DPP6: variants seen among roughly 807,000 people sequenced by gnomAD.
DPP6 encodes the protein A-type potassium channel modulatory protein DPP6.
A neutral mutation model predicts 122.6 loss-of-function variants in DPP6; 69 were observed. That is an observed-to-expected ratio of 0.56 (90% CI 0.46 to 0.69). The LOEUF (loss-of-function observed/expected upper bound fraction) is 0.69, where lower values mean the gene tolerates loss of function less well. DPP6 is among the 30% of genes least tolerant of loss of function. The pLI is 0.00. For synonymous variants in DPP6, 418 were observed against 433.1 expected, an observed-to-expected ratio of 0.97 and a Z score of 0.43; for missense variants, 928 against 1,116.9, an observed-to-expected ratio of 0.83 and a Z score of 2.41.
the DPP6 span, among the ~76,000 whole-genome samples, chr7:153,873,063 A>G: frequency 6.6e-6 from 1 of 152,226 alleles, no homozygotes; most frequent in South Asian, 2.1e-4. Context: ...GCTTCTGGTG[A>G]GGCCTCAGGC....
At chr7:153,946,585 A>G (rs555649684) in intron 1 of DPP6, among the ~76,000 whole-genome samples, 183 of 152,148 alleles carry the variant, frequency 1.2e-3, no homozygotes, top group African/African-American at 4.3e-3. Flanking sequence ...CTGACCTCCT[A>G]TCTCATCCTG....
the DPP6 span, among the ~76,000 whole-genome samples, chr7:153,814,155 G>C: frequency 2.0e-5 from 3 of 151,982 alleles, no homozygotes; most frequent in Non-Finnish European, 4.4e-5. Context: ...TATGGTTTTA[G>C]GTCTAATGTT....
the DPP6 span, among the ~76,000 whole-genome samples, chr7:153,803,838 T>TATAC: frequency 4.8e-5 from 7 of 145,000 alleles, no homozygotes; most frequent in Non-Finnish European, 9.1e-5. Context: ...TGTGTATGTG[T>TATAC]ACATACACAC....
At chr7:153,913,432 T>A (rs1358528255) in intron 1 of DPP6, among the ~76,000 whole-genome samples, 1 of 152,200 alleles carries the variant, frequency 6.6e-6, no homozygotes, top group East Asian at 1.9e-4. Context: ...CAACAGAGAT[T>A]CATTGTTTCT....
At chr7:154,400,452 T>C (rs1469969420) in intron 1 of DPP6, among the ~76,000 whole-genome samples, 1 of 152,218 alleles carries the variant, frequency 6.6e-6, no homozygotes, top group African/African-American at 2.4e-5. Context: ...TCTCTGAAAT[T>C]ATGATCATGA....
At chr7:154,311,596 T>A (rs539545683) in intron 1 of DPP6, among the ~76,000 whole-genome samples, 1 of 152,296 alleles carries the variant, frequency 6.6e-6, no homozygotes, top group South Asian at 2.1e-4. Context: ...TATCCTAAAG[T>A]CCTTCCTGAC....
upstream of DPP6, among the ~76,000 whole-genome samples, chr7:153,883,278 A>G (rs1411812068): frequency 1.3e-5 from 2 of 152,254 alleles, no homozygotes; most frequent in Non-Finnish European, 1.5e-5. Context: ...ATGGTTCCGA[A>G]TTGAATTTTA....
chr7:154,101,743 C>T (rs574297561), intron 1 of DPP6, among the ~76,000 whole-genome samples: 6 of 151,518 alleles, frequency 4.0e-5, no homozygotes, highest in South Asian at 4.2e-4. Flanking sequence ...GCCTGGTCAA[C>T]ATGGTGAAAC....
chr7:154,542,251 A>G (rs2130271945), intron 4 of DPP6, among the ~76,000 whole-genome samples: 1 of 152,250 alleles, frequency 6.6e-6, no homozygotes, highest in South Asian at 2.1e-4. Context: ...TTTTTGCATT[A>G]AAAAAATCAT....
intron 1 of DPP6, among the ~76,000 whole-genome samples, chr7:154,386,631 G>A (rs1814135707): frequency 6.6e-6 from 1 of 152,148 alleles, no homozygotes. Context: ...CAACAGGAAG[G>A]CAACTTTTTT....
intron 8 of DPP6, among the ~76,000 whole-genome samples, chr7:154,730,090 T>G (rs1000817707): frequency 6.6e-6 from 1 of 152,164 alleles, no homozygotes; most frequent in African/African-American, 2.4e-5. Context: ...CTGTTGACAA[T>G]GAGGACTCTA....
rs10632379 is a variant in DPP6 at position 154,758,373 on chromosome 7, A to ATTTTT, written c.884-11032_884-11028dup. Among the ~76,000 whole-genome samples, 295 of 143,684 alleles carry ATTTTT rather than the reference A, an allele frequency of 2.1e-3. 6 individuals carry two copies. The highest frequency in any genetic ancestry group is 7.3e-3 in the African/African-American group (284 of 38,942). The allele number at this position is 143,684 out of a possible 152,430, so 94.3% of individuals were successfully genotyped here. A position where few individuals can be genotyped will look rare whatever the true frequency, so the allele number is the denominator to read the frequency against. On this transcript the variant is annotated intron_variant, in intron 8 of 25. Coordinates refer to ENST00000377770, the MANE Select transcript of DPP6 (RefSeq NM_130797.4). ...TCAGACTGTGATGAAGGAAATACAGATTTTTTTTTTTTTTTTGAGACAGAG... is the reference window on the plus strand; with the variant it reads ...TCAGACTGTGATGAAGGAAATACAGATTTTTTTTTTTTTTTTTTTTTGAGACAGAG...
chr7:154,769,610 A>G (rs372029327), intron 9 of DPP6, 39 bp downstream of exon 9: 13 of 1,517,622 alleles, frequency 8.6e-6, no homozygotes, highest in Non-Finnish European at 1.2e-5. Flanking sequence ...TCTTTATATT[A>G]TTCATGAACA....
chr7:154,267,564 C>A (rs1803507850), intron 1 of DPP6, among the ~76,000 whole-genome samples: 1 of 151,052 alleles, frequency 6.6e-6, no homozygotes, highest in Non-Finnish European at 1.5e-5. Context: ...CATATACACA[C>A]ATGTACACAC....
chr7:154,421,170 C>T (rs1050997722), intron 1 of DPP6, among the ~76,000 whole-genome samples: 1 of 151,918 alleles, frequency 6.6e-6, no homozygotes, highest in Admixed American at 6.6e-5. Flanking sequence ...TAATTTTCAG[C>T]ATCATTACAA....
chr7:154,510,051 C>T (rs1375862066), intron 3 of DPP6, among the ~76,000 whole-genome samples: 2 of 152,114 alleles, frequency 1.3e-5, no homozygotes, highest in Non-Finnish European at 2.9e-5. Context: ...ACGTTAAAGA[C>T]CATTAAATTG....
At chr7:153,807,611 T>C in the DPP6 span, among the ~76,000 whole-genome samples, 1 of 151,972 alleles carries the variant, frequency 6.6e-6, no homozygotes, top group Non-Finnish European at 1.5e-5. Context: ...ACAAAGGAAA[T>C]GTCAGTTATC....
chr7:154,351,212 T>C (rs534964728), intron 1 of DPP6, among the ~76,000 whole-genome samples: 2 of 152,292 alleles, frequency 1.3e-5, no homozygotes, highest in East Asian at 3.9e-4. Context: ...AATTTGGTTT[T>C]ATTAATTTTA....
At chr7:153,875,405 TAAG>T in the DPP6 span, among the ~76,000 whole-genome samples, 1 of 152,056 alleles carries the variant, frequency 6.6e-6, no homozygotes, top group South Asian at 2.1e-4. Flanking sequence ...ATAGATGACT[TAAG>T]AAGAGAAGAA....
Sources: gnomAD v4.1 joint callset for allele counts (sites outside exome capture counted in the v4.1 genomes callset) on GRCh38, gnomAD v4.1.1 for gene constraint, MANE v1.5 for transcripts, NCBI Gene and HGNC (gene_info 2026-07-23, HGNC 2026-07-21) for gene names.